LOXL2: variants seen among roughly 807,000 people sequenced by gnomAD.
The protein encoded by LOXL2 is lysyl oxidase like 2, also known as lysyl oxidase homolog 2.
LOXL2 carries 70 observed loss-of-function variants against 93.0 expected under a neutral mutation model. The observed-to-expected ratio is 0.75, with a 90% CI of 0.62 to 0.92. The LOEUF (loss-of-function observed/expected upper bound fraction) is 0.92. LOXL2 is among the 40% of genes least tolerant of loss of function. The probability of loss-of-function intolerance (pLI) is 0.00; values close to 1 mark genes in which losing one functional copy is unlikely to be tolerated. For missense variants in LOXL2, 973 were observed against 1,054.9 expected (o/e 0.92, Z 1.08); for synonymous variants, 438 against 413.2 (o/e 1.06, Z -0.73).
chr8:23,323,850 T>G (rs1803537303), intron 6 of LOXL2, among the ~76,000 whole-genome samples: 1 of 152,116 alleles, frequency 6.6e-6, no homozygotes, highest in African/African-American at 2.4e-5. Context: ...TACAGGCACA[T>G]GCCACCATGC....
chr8:23,324,897 C>T (rs567483531), intron 6 of LOXL2, among the ~76,000 whole-genome samples: 1 of 152,178 alleles, frequency 6.6e-6, no homozygotes, highest in African/African-American at 2.4e-5. Context: ...TTTAGAAAAC[C>T]TTTGCTGGAG....
In LOXL2 at chr8:23,318,060, ACGTGAGGCTGTTTTT is replaced by A. The variant is rs1803431000; in HGVS notation, c.1471-961_1471-947del. Among the ~76,000 whole-genome samples, 3 of 118,168 alleles carry A rather than the reference ACGTGAGGCTGTTTTT, an allele frequency of 2.5e-5. No homozygotes were observed. In the South Asian group the frequency reaches 9.3e-4, roughly 37 times the overall value. 77.5% of individuals were successfully genotyped at this position (118,168 alleles called of 152,430 possible). A position where few individuals can be genotyped will look rare whatever the true frequency, so the allele number is the denominator to read the frequency against. On this transcript the variant is annotated intron_variant, in intron 8 of 13. Coordinates refer to ENST00000389131, the MANE Select transcript of LOXL2 (RefSeq NM_002318.3). ...TGGTCAAACACTATTCTAGATGCTT[ACGTGAGGCTGTTTTT>A]AGATGAGATTAACATTTTAATCAGT...
rs544669847 is a variant in LOXL2, at chr8:23,335,470, TTTGTTAAAGA to T, written c.744-1857_744-1848del. On this transcript the variant is annotated intron_variant, in intron 4 of 13. Transcript: ENST00000389131. ...AAATAAGTAAATAAATAAAACTGTA[TTTGTTAAAGA>T]AAAAAAAAGAAGAGTGACAGGAGGG... Among the ~76,000 whole-genome samples, 7 of 152,220 alleles carry T rather than the reference TTTGTTAAAGA, an allele frequency of 4.6e-5. No homozygotes were observed. In the East Asian group the frequency reaches 1.4e-3, roughly 29 times the overall value.
chr8:23,373,093 A>G (rs1407297970), intron 1 of LOXL2, among the ~76,000 whole-genome samples: 1 of 152,204 alleles, frequency 6.6e-6, no homozygotes, highest in Non-Finnish European at 1.5e-5. Flanking sequence ...ATATTTGGGA[A>G]TGTTGGATGA....
chr8:23,361,592 C>T (rs1804291412), intron 2 of LOXL2, among the ~76,000 whole-genome samples: 1 of 152,162 alleles, frequency 6.6e-6, no homozygotes, highest in African/African-American at 2.4e-5. Context: ...CCTGTAATCC[C>T]AGCACTTTTG....
intron 6 of LOXL2, among the ~76,000 whole-genome samples, chr8:23,325,842 G>A (rs1035631917): frequency 2.6e-5 from 4 of 152,210 alleles, no homozygotes; most frequent in Admixed American, 2.6e-4. Flanking sequence ...GGGGTCCTAA[G>A]GCACAGAGCA....
At chr8:23,300,560 G>T (rs1338062869) in intron 12 of LOXL2, among the ~76,000 whole-genome samples, 1 of 152,230 alleles carries the variant, frequency 6.6e-6, no homozygotes, top group African/African-American at 2.4e-5. Context: ...GGCACCTAAA[G>T]AAGCTCCATG....
At chr8:23,325,287 G>A (rs1006647968) in intron 6 of LOXL2, among the ~76,000 whole-genome samples, 1 of 151,992 alleles carries the variant, frequency 6.6e-6, no homozygotes, top group African/African-American at 2.4e-5. Flanking sequence ...GCGTGGTTCC[G>A]GTTCTATTTG....
intron 13 of LOXL2, 51 bp downstream of exon 13, chr8:23,298,781 GAGAA>G (rs1246625369): frequency 8.9e-7 from 1 of 1,123,188 alleles, no homozygotes; most frequent in East Asian, 2.4e-5. Flanking sequence ...CTGGGTCCTT[GAGAA>G]AGTAGGGCAG....
chr8:23,312,146 G>A (rs1803328285), intron 9 of LOXL2, among the ~76,000 whole-genome samples: 1 of 151,968 alleles, frequency 6.6e-6, no homozygotes, highest in Non-Finnish European at 1.5e-5. Context: ...CTGAAATTGT[G>A]GCAATAATCA....
intron 4 of LOXL2, among the ~76,000 whole-genome samples, chr8:23,338,132 C>T (rs1236623129): frequency 6.6e-6 from 1 of 152,190 alleles, no homozygotes; most frequent in African/African-American, 2.4e-5. Context: ...TTTATAAAAC[C>T]ATCAGGTCTC....
chr8:23,351,772 T>G (rs1271346388), intron 3 of LOXL2, among the ~76,000 whole-genome samples: 1 of 152,190 alleles, frequency 6.6e-6, no homozygotes, highest in Admixed American at 6.5e-5. Flanking sequence ...TCCCTTTTGG[T>G]AGCTGGCAAG....
chr8:23,302,967 G>A (rs1803165657), intron 11 of LOXL2, among the ~76,000 whole-genome samples: 2 of 152,140 alleles, frequency 1.3e-5, no homozygotes, highest in African/African-American at 2.4e-5. Context: ...GAGTGGGAGG[G>A]GCATACGCAT....
Position 23,333,383 on chromosome 8 carries a change from C to G in LOXL2, c.966+18G>C. ...CCCTCCAGGTGCCAAGTGGCCACAC[C>G]TCGTGCCCCGTCCTCACCTCTGGCT... On this transcript the variant is annotated intron_variant, in intron 5 of 13. Transcript: ENST00000389131. 1 of 1,611,590 alleles carries G rather than the reference C, an allele frequency of 6.2e-7. No individual in the cohort carries two copies. The highest frequency in any genetic ancestry group is 8.5e-7 in the Non-Finnish European group (1 of 1,178,160).
In LOXL2 at chr8:23,328,748, G is replaced by A. The variant is rs1027057473; in HGVS notation, c.967-183C>T. ...GTGTGTGTGTGTGTGTGTGTGTGTC[G>A]TGGGTGTGTTGGGGTGTGGGAGCTT... On this transcript the variant is annotated intron_variant, in intron 5 of 13. Coordinates refer to ENST00000389131, the MANE Select transcript of LOXL2 (RefSeq NM_002318.3). 18 of 338,740 alleles carry A rather than the reference G, an allele frequency of 5.3e-5. 1 individual carries two copies. The highest frequency in any genetic ancestry group is 7.7e-5 in the East Asian group (2 of 26,028). 21.0% of individuals were successfully genotyped at this position (338,740 alleles called of 1,614,324 possible).
chr8:23,368,678 C>A (rs1804451955), intron 1 of LOXL2, among the ~76,000 whole-genome samples: 1 of 152,158 alleles, frequency 6.6e-6, no homozygotes, highest in Non-Finnish European at 1.5e-5. Flanking sequence ...AGAACACACT[C>A]CAACTTAATT....
chr8:23,367,944 A>T, intron 2 of LOXL2, 53 bp downstream of exon 2: 1 of 1,479,960 alleles, frequency 6.8e-7, no homozygotes, highest in East Asian at 2.3e-5. Context: ...AGGGAAGGCC[A>T]CTCCGGGCCT....
chr8:23,328,599 G>A (rs752691600), intron 5 of LOXL2, 34 bp from the exon 6 acceptor site: 73 of 1,602,606 alleles, frequency 4.6e-5, no homozygotes, highest in Non-Finnish European at 3.1e-5. Context: ...GAGTACAGAC[G>A]CTGATGCACG....
intron 1 of LOXL2, among the ~76,000 whole-genome samples, chr8:23,383,796 G>A (rs1804716512): frequency 6.6e-6 from 1 of 151,494 alleles, no homozygotes; most frequent in Non-Finnish European, 1.5e-5. Context: ...GAGTAGCTGG[G>A]ACTACAGGCG....
Sources: allele counts gnomAD v4.1 joint callset (sites outside exome capture counted in the v4.1 genomes callset), GRCh38; gene constraint gnomAD v4.1.1; transcripts MANE v1.5; gene names NCBI Gene and HGNC (gene_info 2026-07-23, HGNC 2026-07-21).